The following ACSL3 variants were observed in gnomAD, a reference collection of about 807,000 sequenced individuals.
The protein encoded by ACSL3 is fatty acid CoA ligase Acsl3.
In ACSL3, 34 loss-of-function variants were observed where a neutral mutation model predicts 84.7. The ratio of observed to expected loss-of-function variants is 0.40; its 90% confidence interval spans 0.31 to 0.53. ACSL3 has a LOEUF of 0.53. Among genes scored for constraint, ACSL3 ranks in the 20% least tolerant of loss-of-function variants. ACSL3 has a pLI of 0.48. For missense variants in ACSL3, 680 were observed against 873.1 expected (o/e 0.78, Z 2.79); for synonymous variants, 315 against 299.4 (o/e 1.05, Z -0.54).
intron 1 of ACSL3, among the ~76,000 whole-genome samples, chr2:222,863,622 G>A (rs1314961277): frequency 2.6e-5 from 4 of 152,078 alleles, no homozygotes; most frequent in Non-Finnish European, 2.9e-5. Flanking sequence ...TTTTAGGAAA[G>A]CTAGGCCAAG....
intron 14 of ACSL3, among the ~76,000 whole-genome samples, chr2:222,931,210 C>T (rs943532388): frequency 2.0e-5 from 3 of 152,148 alleles, no homozygotes; most frequent in African/African-American, 7.2e-5. Context: ...ATACCTTATT[C>T]TGCTTCTCCT....
chr2:222,908,380 C>G (rs1311919494), intron 3 of ACSL3, among the ~76,000 whole-genome samples: 24 of 152,162 alleles, frequency 1.6e-4, no homozygotes, highest in Admixed American at 1.5e-3. Context: ...AAAGTACTTG[C>G]CATCCCTAAT....
intron 11 of ACSL3, among the ~76,000 whole-genome samples, chr2:222,925,464 A>G (rs1034820654): frequency 2.0e-5 from 3 of 151,916 alleles, no homozygotes; most frequent in Admixed American, 6.6e-5. Flanking sequence ...ATGGTGTCAT[A>G]TATCTGTAAT....
intron 1 of ACSL3, among the ~76,000 whole-genome samples, chr2:222,880,487 A>G (rs568359694): frequency 1.9e-4 from 29 of 152,196 alleles, no homozygotes; most frequent in African/African-American, 6.7e-4. Flanking sequence ...TATTGTGACT[A>G]TATTTCCGTT....
chr2:222,905,159 T>C, intron 3 of ACSL3: 1 of 152,764 alleles, frequency 6.5e-6, no homozygotes, highest in Non-Finnish European at 1.5e-5. Context: ...TCTGGCTAAT[T>C]TTTTTATATA....
At chr2:222,907,562 AC>A (rs1696324088) in intron 3 of ACSL3, among the ~76,000 whole-genome samples, 1 of 151,950 alleles carries the variant, frequency 6.6e-6, no homozygotes, top group South Asian at 2.1e-4. Flanking sequence ...GGAGTTTGAG[AC>A]CAGCTGGGGC....
intron 2 of ACSL3, among the ~76,000 whole-genome samples, chr2:222,900,245 T>A (rs1238503561): frequency 6.6e-6 from 1 of 152,226 alleles, no homozygotes; most frequent in Non-Finnish European, 1.5e-5. Context: ...ACTTGCTCTG[T>A]GGCTCTCCCC....
At chr2:222,914,643 G>C (rs934257471) in intron 4 of ACSL3, among the ~76,000 whole-genome samples, 1 of 152,176 alleles carries the variant, frequency 6.6e-6, no homozygotes, top group Non-Finnish European at 1.5e-5. Context: ...ATGTATGATA[G>C]GATTGCTTCA....
chr2:222,928,093 A>G (rs1462795539), intron 12 of ACSL3, among the ~76,000 whole-genome samples: 3 of 152,226 alleles, frequency 2.0e-5, no homozygotes, highest in Non-Finnish European at 4.4e-5. Context: ...AAAGTCTTTA[A>G]AATGTTAAAT....
rs552332967 is a variant in ACSL3, at chr2:222,921,809, T to C, written c.956+379T>C. 7.9e-5 allele frequency among the ~76,000 whole-genome samples: 12 copies of C among 152,250 alleles called. No individual in the cohort carries two copies. In the South Asian group the frequency reaches 2.3e-3, roughly 29 times the overall value. ...GTATTTGGTCTCTGATTTTTCTTGT[T>C]AATACAAACTCCAGTGGTAGCAGTG... On this transcript the variant is annotated intron_variant, in intron 8 of 16. Transcript: ENST00000357430.
At chr2:222,940,557 C>T (rs192700301) in intron 16 of ACSL3, among the ~76,000 whole-genome samples, 1 of 151,512 alleles carries the variant, frequency 6.6e-6, no homozygotes, top group East Asian at 2.0e-4. Context: ...ACACAGACTG[C>T]ATATATGACA....
At chr2:222,881,847 A>G (rs1695598496) in intron 1 of ACSL3, among the ~76,000 whole-genome samples, 1 of 152,144 alleles carries the variant, frequency 6.6e-6, no homozygotes, top group African/African-American at 2.4e-5. Flanking sequence ...TGATGCTCAC[A>G]CCTTTCCCCT....
chr2:222,913,657 C>T (rs768137814), intron 4 of ACSL3, among the ~76,000 whole-genome samples: 4 of 152,072 alleles, frequency 2.6e-5, no homozygotes, highest in African/African-American at 7.2e-5. Flanking sequence ...AATTGTTAAT[C>T]AGGCCACCTT....
chr2:222,930,610 T>A lies in ACSL3; in HGVS notation c.1541-11T>A, dbSNP rs755943530. ...TTAACTCAACTATTAACTCAATTAT[T>A]ATTTTATTAGGTGGATACTTTAATA... is the stretch of plus-strand genomic sequence containing the variant. On this transcript the variant is annotated splice_polypyrimidine_tract_variant and intron_variant, in intron 13 of 16. Transcript: ENST00000357430. The A allele has an allele frequency of 6.4e-6, 10 of 1,570,730 alleles. No homozygotes were observed. The highest frequency in any genetic ancestry group is 1.9e-5 in the Admixed American group (1 of 52,282).
intron 14 of ACSL3, among the ~76,000 whole-genome samples, chr2:222,931,633 T>C (rs1212129388): frequency 6.6e-6 from 1 of 152,046 alleles, no homozygotes; most frequent in East Asian, 1.9e-4. Flanking sequence ...TCCCAATAAT[T>C]TCTCTGTTGC....
In ACSL3 at chr2:222,943,097, A is replaced by ACC. The variant is rs377288450; in HGVS notation, c.*1443_*1444insCC. ...AAAAGGCAAAAATCAAAAAAAAAAAAAACAAAAACAAAAAAAAAGATGAAC... is the reference window on the plus strand; with the variant it reads ...AAAAGGCAAAAATCAAAAAAAAAAAACCAACAAAAACAAAAAAAAAGATGAAC... On this transcript the variant is annotated 3_prime_UTR_variant, in exon 17 of 17. Transcript: ENST00000357430. 9.7e-5 allele frequency: 9 copies of ACC among 92,896 alleles called. No homozygotes were observed. Among genetic ancestry groups the ACC allele is most frequent in the African/African-American group, 5.4e-4 (5 of 9,336 alleles). The allele number at this position is 92,896 out of a possible 1,614,324, so 5.8% of individuals were successfully genotyped here. A position where few individuals can be genotyped will look rare whatever the true frequency, so the allele number is the denominator to read the frequency against.
At chr2:222,931,849 T>A (rs1697038400) in intron 14 of ACSL3, among the ~76,000 whole-genome samples, 1 of 152,160 alleles carries the variant, frequency 6.6e-6, no homozygotes, top group Non-Finnish European at 1.5e-5. Context: ...CTTCTGGCTT[T>A]TGCCAGTGTT....
chr2:222,909,199 G>C, intron 4 of ACSL3, 49 bp downstream of exon 4: 1 of 1,548,150 alleles, frequency 6.5e-7, no homozygotes, highest in Non-Finnish European at 8.7e-7. Context: ...AAAATATCCT[G>C]TTAGAAATGA....
chr2:222,940,066 G>C (rs1041423653), intron 16 of ACSL3, among the ~76,000 whole-genome samples: 2 of 152,144 alleles, frequency 1.3e-5, no homozygotes, highest in East Asian at 1.9e-4. Context: ...TCCTACTGAC[G>C]ACATACGGTT....
Sources: allele counts gnomAD v4.1 joint callset (sites outside exome capture counted in the v4.1 genomes callset), GRCh38; gene constraint gnomAD v4.1.1; transcripts MANE v1.5; gene names NCBI Gene and HGNC (gene_info 2026-07-23, HGNC 2026-07-21).